The following CSMD1 variants were observed in gnomAD, a reference collection of about 807,000 sequenced individuals.
CSMD1 encodes the protein CUB and sushi domain-containing protein 1.
CSMD1 carries 213 observed loss-of-function variants against 417.5 expected under a neutral mutation model. That is an observed-to-expected ratio of 0.51 (90% CI 0.46 to 0.57). The LOEUF is 0.57. Among genes scored for constraint, CSMD1 ranks in the 20% least tolerant of loss-of-function variants. CSMD1 has a pLI of 0.00. For missense variants in CSMD1, 6,923 were observed against 4,529.7 expected, an observed-to-expected ratio of 1.53 and a Z score of -15.17; for synonymous variants, 2,862 against 1,736.8, an observed-to-expected ratio of 1.65 and a Z score of -16.11.
intron 3 of CSMD1, among the ~76,000 whole-genome samples, chr8:4,213,545 G>A (rs899084202): frequency 2.6e-5 from 4 of 152,140 alleles, no homozygotes; most frequent in Non-Finnish European, 5.9e-5. Flanking sequence ...GACACACAAC[G>A]TCTAGAAATA....
chr8:2,949,540 A>G (rs1302877405), intron 67 of CSMD1, among the ~76,000 whole-genome samples, 154 bp from the exon 68 acceptor site: 1 of 147,444 alleles, frequency 6.8e-6, no homozygotes, highest in African/African-American at 2.5e-5. Context: ...TTGGTGACAC[A>G]TTTATAGTTA....
rs1585389127 is a variant in CSMD1, at chr8:4,948,733, T to C, written c.85+45599A>G. On this transcript the variant is annotated intron_variant, in intron 1 of 69. Coordinates refer to ENST00000635120, the MANE Select transcript of CSMD1 (RefSeq NM_033225.6). Reference sequence around the variant, plus strand: ...ATTTTCTATGTAGGCATCTGTACCATTTAAGAAAAGTGATAGTTTAGTTTC... The same window carrying C: ...ATTTTCTATGTAGGCATCTGTACCACTTAAGAAAAGTGATAGTTTAGTTTC... Among the ~76,000 whole-genome samples the C allele has an allele frequency of 1.3e-5, 2 of 152,244 alleles. 1 individual carries two copies. Among genetic ancestry groups the C allele is most frequent in the Non-Finnish European group, 2.9e-5 (2 of 67,972 alleles).
chr8:3,250,803 C>T (rs980062185), intron 26 of CSMD1, among the ~76,000 whole-genome samples: 3 of 152,216 alleles, frequency 2.0e-5, no homozygotes, highest in African/African-American at 7.2e-5. Flanking sequence ...TTGCATTTCT[C>T]TGATGGCCAG....
intron 5 of CSMD1, among the ~76,000 whole-genome samples, chr8:3,934,601 T>C (rs765894402): frequency 6.6e-6 from 1 of 152,160 alleles, no homozygotes; most frequent in Non-Finnish European, 1.5e-5. Context: ...ATGCCTGTAA[T>C]CTCAGCACTT....
At chr8:3,749,295 G>A (rs1039663027) in intron 6 of CSMD1, among the ~76,000 whole-genome samples, 1 of 152,302 alleles carries the variant, frequency 6.6e-6, no homozygotes, top group Admixed American at 6.5e-5. Context: ...ATATACAGCA[G>A]ATATTGCAAA....
chr8:4,236,787 C>T (rs1286505060), intron 3 of CSMD1, among the ~76,000 whole-genome samples: 2 of 152,152 alleles, frequency 1.3e-5, no homozygotes, highest in Admixed American at 1.3e-4. Context: ...TGGGCAATTA[C>T]TAAATAGTAG....
chr8:4,546,194 C>G (rs755853486), intron 2 of CSMD1, among the ~76,000 whole-genome samples: 1 of 152,230 alleles, frequency 6.6e-6, no homozygotes, highest in Non-Finnish European at 1.5e-5. Flanking sequence ...GTTATATCTA[C>G]GGGCCTTGGC....
intron 1 of CSMD1, among the ~76,000 whole-genome samples, chr8:4,908,092 G>T (rs550372920): frequency 6.6e-6 from 1 of 152,050 alleles, no homozygotes; most frequent in African/African-American, 2.4e-5. Flanking sequence ...CATGGAAGTC[G>T]TCTATGTCCT....
intron 3 of CSMD1, among the ~76,000 whole-genome samples, chr8:4,077,307 A>ATATATATATATATATATATGTG (rs1799881793): frequency 7.1e-6 from 1 of 141,514 alleles, no homozygotes; most frequent in Non-Finnish European, 1.5e-5. Context: ...GTATATATAT[A>ATATATATATATATATATATGTG]TATATATATA....
At chr8:3,747,669 G>C (rs1021033214) in intron 6 of CSMD1, among the ~76,000 whole-genome samples, 2 of 151,922 alleles carry the variant, frequency 1.3e-5, no homozygotes, top group Non-Finnish European at 2.9e-5. Context: ...CTCTGTACCT[G>C]TTGTGCCTAG....
At chr8:4,366,541 C>G (rs1007179002) in intron 3 of CSMD1, among the ~76,000 whole-genome samples, 17 of 152,152 alleles carry the variant, frequency 1.1e-4, no homozygotes, top group African/African-American at 4.1e-4. Flanking sequence ...GCATTCCACT[C>G]ACAGCATATA....
intron 26 of CSMD1, among the ~76,000 whole-genome samples, chr8:3,240,059 G>A (rs1056725586): frequency 4.6e-5 from 7 of 152,162 alleles, no homozygotes; most frequent in African/African-American, 1.7e-4. Flanking sequence ...GTGATTTTAA[G>A]GGCCTCTAAA....
intron 5 of CSMD1, among the ~76,000 whole-genome samples, chr8:3,876,262 G>A (rs555781679): frequency 7.2e-5 from 11 of 152,266 alleles, no homozygotes; most frequent in South Asian, 2.1e-4. Flanking sequence ...ATGCATTCAC[G>A]TGTTGTTTTA....
intron 3 of CSMD1, among the ~76,000 whole-genome samples, chr8:4,384,346 A>G (rs370328378): frequency 2.6e-5 from 4 of 152,302 alleles, no homozygotes; most frequent in East Asian, 1.9e-4. Flanking sequence ...ACACACCACA[A>G]TGCAACGCAT....
intron 10 of CSMD1, among the ~76,000 whole-genome samples, chr8:3,570,597 A>G (rs1799903967): frequency 6.6e-6 from 1 of 152,174 alleles, no homozygotes; most frequent in Non-Finnish European, 1.5e-5. Context: ...CTGAGCTGCA[A>G]TGCTATCACG....
chr8:4,326,400 C>T (rs9314524), intron 3 of CSMD1, among the ~76,000 whole-genome samples: 123,131 of 152,036 alleles, frequency 0.81, 49,927 homozygotes, highest in East Asian at 0.99. Flanking sequence ...ATTTTCAGCG[C>T]AGATAAAAAG....
chr8:3,751,822 A>C (rs1938257269), intron 6 of CSMD1, among the ~76,000 whole-genome samples: 1 of 152,208 alleles, frequency 6.6e-6, no homozygotes, highest in African/African-American at 2.4e-5. Context: ...ACAAACGCTT[A>C]GAAATTTTTC....
intron 7 of CSMD1, among the ~76,000 whole-genome samples, chr8:3,664,388 G>A (rs1157662773): frequency 6.6e-6 from 1 of 152,214 alleles, no homozygotes; most frequent in Non-Finnish European, 1.5e-5. Flanking sequence ...TCTGCTCCTG[G>A]TTCACTTCAA....
chr8:3,955,136 G>C (rs894555627), intron 5 of CSMD1, among the ~76,000 whole-genome samples: 3 of 152,086 alleles, frequency 2.0e-5, no homozygotes, highest in African/African-American at 7.2e-5. Flanking sequence ...CTAACTACCG[G>C]TAACGGGAAG....
Sources: allele counts gnomAD v4.1 joint callset (sites outside exome capture counted in the v4.1 genomes callset), GRCh38; gene constraint gnomAD v4.1.1; transcripts MANE v1.5; gene names NCBI Gene and HGNC (gene_info 2026-07-23, HGNC 2026-07-21).